KRT1: variants seen among roughly 807,000 people sequenced by gnomAD.
The protein encoded by KRT1 is keratin 1, also known as keratin, type II cytoskeletal 1.
In KRT1, 28 loss-of-function variants were observed where a neutral mutation model predicts 51.6. The ratio of observed to expected loss-of-function variants is 0.54; its 90% CI spans 0.40 to 0.74. The LOEUF is 0.74. KRT1 is among the 30% of genes least tolerant of loss of function. KRT1 has a pLI of 0.00. For synonymous variants in KRT1, 301 were observed against 307.7 expected (o/e 0.98, Z 0.23); for missense variants, 783 against 815.5 (o/e 0.96, Z 0.49).
At position 52,678,714 on chromosome 12, in the gene KRT1, A is replaced by G. The variant is rs766783845; in HGVS notation, c.634T>C (p.Trp212Arg). Residue 212 changes from tryptophan to arginine, a missense_variant, in exon 2 of 9, where the codon TGG becomes CGG. Trp to Arg is a moderately radical substitution (Grantham distance 101, BLOSUM62 -3). Coordinates refer to ENST00000252244, the MANE Select transcript of KRT1 (RefSeq NM_006121.4). ...GTATCTACCTGCTGCAGCAGCTCCC[A>G]TTTTGTTTGCAGTACCTGGTTCTGC... is the stretch of plus-strand genomic sequence containing the variant. The part of the protein sequence containing the change: ...EQQNQVLQTK[W>R]ELLQQVDTST... The G allele has an allele frequency of 5.0e-6, 8 of 1,614,138 alleles. No individual in the cohort carries two copies. The East Asian group carries it at 6.7e-5, about 13-fold the overall frequency.
Position 52,680,274 on chromosome 12 carries a change from G to A in KRT1, c.75C>T (p.Ile25=), listed in dbSNP as rs828367. ...TGCTGGTGGTCCTGCGCTGGTAGTT[G>A]ATGATCCCAGCAGAGCCAGAGCTGA... The part of the protein sequence containing the change: ...GGFSSGSAGI[I]NYQRRTTSSS... The change falls in exon 1 of 9, where the codon ATC becomes ATT. Residue 25 remains isoleucine (I), a synonymous_variant. Coordinates refer to ENST00000252244, the MANE Select transcript of KRT1 (RefSeq NM_006121.4). 61,092 of 1,613,786 alleles carry A rather than the reference G, an allele frequency of 0.038. 1,371 individuals are homozygous for A. The highest frequency in any genetic ancestry group is 0.066 in the South Asian group (6,041 of 91,058).
In KRT1 at chr12:52,677,632, T is replaced by C. The variant is rs776431293; in HGVS notation, c.963+18A>G. The stretch of plus-strand genomic sequence containing the variant: ...AACTCTCCATTTAGATAAACTTGGT[T>C]GAAACTGGAAGACTTACTGCTTGGT... On this transcript the variant is annotated intron_variant, in intron 4 of 8. Coordinates refer to ENST00000252244, the MANE Select transcript of KRT1 (RefSeq NM_006121.4). The C allele has an allele frequency of 1.9e-6, 3 of 1,613,448 alleles. No individual in the cohort carries two copies. The highest frequency in any genetic ancestry group is 2.5e-6 in the Non-Finnish European group (3 of 1,179,342).
At chr12:52,679,268 G>A (rs866194654) in intron 1 of KRT1, among the ~76,000 whole-genome samples, 1 of 152,158 alleles carries the variant, frequency 6.6e-6, no homozygotes. Flanking sequence ...GCCTCATCCA[G>A]TACCAATGTA....
chr12:52,678,146 C>G lies in KRT1; in HGVS notation c.867+17G>C. ...ATTTATTTCAAATGTGAGTTCCGTC[C>G]TACAGAATTTGCTTACCTTCTTGAT... On this transcript the variant is annotated intron_variant, in intron 3 of 8. Transcript: ENST00000252244. 1.9e-6 allele frequency: 3 copies of G among 1,613,162 alleles called. No homozygotes were observed. The highest frequency in any genetic ancestry group is 2.5e-6 in the Non-Finnish European group (3 of 1,179,114).
chr12:52,676,594 A>C, intron 6 of KRT1, 99 bp from the exon 7 acceptor site: 1 of 1,203,520 alleles, frequency 8.3e-7, no homozygotes, highest in East Asian at 2.5e-5. Flanking sequence ...TAATGAGTCC[A>C]ACAGAACCAC....
rs142164771 is a variant in KRT1 at position 52,680,286 on chromosome 12, A to T, written c.63T>A (p.Ser21=). ...TGCGCTGGTAGTTGATGATCCCAGC[A>T]GAGCCAGAGCTGAAGCCCCCTCCAC... The part of the protein sequence containing the change: ...YRSGGGFSSG[S]AGIINYQRRT... The change falls in exon 1 of 9, where the codon TCT becomes TCA. Residue 21 remains serine (S), a synonymous_variant. Transcript: ENST00000252244. 319 of 1,614,104 alleles carry T rather than the reference A, an allele frequency of 2.0e-4. No individual in the cohort carries two copies. The highest frequency in any genetic ancestry group is 2.4e-4 in the Non-Finnish European group (287 of 1,180,032).
At chr12:52,678,118 C>T in intron 3 of KRT1, 45 bp downstream of exon 3, 1 of 1,588,752 alleles carries the variant, frequency 6.3e-7, no homozygotes, top group South Asian at 1.1e-5. Flanking sequence ...ACCCTCTTCC[C>T]TTATTTATTT....
At position 52,677,070 on chromosome 12, in the gene KRT1, CA is replaced by C; in HGVS notation, c.1242del (p.Asn414LysfsTer31). On this transcript the variant is annotated frameshift_variant, in exon 6 of 9. Coordinates refer to ENST00000252244, the MANE Select transcript of KRT1 (RefSeq NM_006121.4). LOFTEE classifies it high-confidence loss of function. Reference protein sequence around the residue: ...VIQRLRSEIDNVKKQISNLQQ... With the variant: ...VIQRLRSEIDXVKKQISNLQQ... ...GAGAAAGCACATACCTGCTTCTTGA[CA>C]TTGTCGATTTCAGATCTAAGTCTCT... The C allele has an allele frequency of 6.2e-7, 1 of 1,613,522 alleles. No individual in the cohort carries two copies. Among genetic ancestry groups the C allele is most frequent in the Non-Finnish European group, 8.5e-7 (1 of 1,180,042 alleles).
chr12:52,675,820 C>T, intron 7 of KRT1, 76 bp from the exon 8 acceptor site: 1 of 1,538,030 alleles, frequency 6.5e-7, no homozygotes, highest in Non-Finnish European at 8.9e-7. Flanking sequence ...GCTCCACCAC[C>T]TTGAAGACTT....
Position 52,680,341 on chromosome 12 carries a change from C to T in KRT1, c.8G>A (p.Arg3Gln), listed in dbSNP as rs775323304. Reference sequence around the variant, plus strand: ...GTACCCAGACCTGGAACTAAACTGTCGACTCATGTTGACTTAGAGAAAAGT... The same window carrying T: ...GTACCCAGACCTGGAACTAAACTGTTGACTCATGTTGACTTAGAGAAAAGT... MSRQFSSRSGYRS... is the reference protein window; with the variant it reads MSQQFSSRSGYRS... Residue 3 changes from arginine (R) to glutamine (Q), a missense_variant, in exon 1 of 9, where the codon CGA (arginine) becomes CAA (glutamine). Physicochemically the swap from Arg to Gln is conservative, Grantham distance 43. Transcript: ENST00000252244. 4.3e-6 allele frequency: 7 copies of T among 1,613,926 alleles called. No individual in the cohort carries two copies. The highest frequency in any genetic ancestry group is 4.2e-6 in the Non-Finnish European group (5 of 1,179,984).
chr12:52,676,524 A>G (rs745848100), intron 6 of KRT1, 29 bp from the exon 7 acceptor site: 2 of 1,609,870 alleles, frequency 1.2e-6, no homozygotes, highest in South Asian at 1.1e-5. Flanking sequence ...CCCTCTCATA[A>G]TATGCATTCC....
chr12:52,679,794 C>T lies in KRT1; in HGVS notation c.555G>A (p.Lys185=), dbSNP rs1325232233. The change falls in exon 1 of 9, where the codon AAG becomes AAA. Residue 185 remains lysine (K), a synonymous_variant. Coordinates refer to ENST00000252244, the MANE Select transcript of KRT1 (RefSeq NM_006121.4). The stretch of plus-strand genomic sequence containing the variant: ...AGGAGGCAAATTGGTTGTTGAGTGA[C>T]TTGATTTGCTCCCTTTCTCGAGACT... ...KVKSREREQI[K]SLNNQFASFI... 1 of 1,614,196 alleles carries T rather than the reference C, an allele frequency of 6.2e-7. No individual in the cohort carries two copies. The highest frequency in any genetic ancestry group is 8.5e-7 in the Non-Finnish European group (1 of 1,180,038).
chr12:52,680,151 A>G lies in KRT1; in HGVS notation c.198T>C (p.Ser66=), dbSNP rs762098926. ...TTTTACTGCCACCAAGGTTAACAAG[A>G]CTCCGACTTCCAAATCCACCACCAG... ...FGAGGGFGSR[S]LVNLGGSKSI... Residue 66 remains serine (S), a synonymous_variant, in exon 1 of 9, where the codon AGT becomes AGC. Transcript: ENST00000252244. The G allele has an allele frequency of 6.3e-7, 1 of 1,599,756 alleles. No individual in the cohort carries two copies. The highest frequency in any genetic ancestry group is 1.1e-5 in the South Asian group (1 of 89,476).
chr12:52,678,242 A>G lies in KRT1; in HGVS notation c.807-19T>C. The G allele has an allele frequency of 1.2e-6, 2 of 1,613,490 alleles. No homozygotes were observed. The highest frequency in any genetic ancestry group is 1.7e-6 in the Non-Finnish European group (2 of 1,179,656). ...CTCATACCTGCAGGAAAGCAGAAAC[A>G]ATTAGGAGATTCAGAGGTGGTAAGA... On this transcript the variant is annotated intron_variant, in intron 2 of 8. Coordinates refer to ENST00000252244, the MANE Select transcript of KRT1 (RefSeq NM_006121.4).
intron 1 of KRT1, 97 bp from the exon 2 acceptor site, chr12:52,678,853 T>A (rs1462772444): frequency 9.6e-6 from 10 of 1,041,430 alleles, no homozygotes; most frequent in Non-Finnish European, 1.3e-5. Context: ...AATTCCTATC[T>A]TCTGACCATG....
At position 52,675,720 on chromosome 12, in the gene KRT1, G is replaced by T. The variant is rs767422677; in HGVS notation, c.1500C>A (p.Asn500Lys). The change falls in exon 8 of 9, where the codon AAC (asparagine) becomes AAA (lysine). Residue 500 changes from asparagine to lysine, a missense_variant. Transcript: ENST00000252244. ...ESRMSGECAP[N>K]VSVSVSTSHT... is the part of the protein sequence containing the mutation. Reference sequence around the variant, plus strand: ...TCGACTTGTACTTACACACACTCACGTTCGGGGCACATTCTCCAGACATCC... The same window carrying T: ...TCGACTTGTACTTACACACACTCACTTTCGGGGCACATTCTCCAGACATCC... 4 of 1,614,142 alleles carry T rather than the reference G, an allele frequency of 2.5e-6. No homozygotes were observed. The highest frequency in any genetic ancestry group is 2.2e-5 in the South Asian group (2 of 91,088).
At position 52,675,418 on chromosome 12, in the gene KRT1, AC is replaced by A; in HGVS notation, c.1709del (p.Gly570ValfsTer44). The A allele has an allele frequency of 6.7e-7, 1 of 1,499,780 alleles. No homozygotes were observed. The highest frequency in any genetic ancestry group is 9.0e-7 in the Non-Finnish European group (1 of 1,105,548). The allele number at this position is 1,499,780 out of a possible 1,614,324, so 92.9% of individuals were successfully genotyped here. On this transcript the variant is annotated frameshift_variant, in exon 9 of 9. Coordinates refer to ENST00000252244, the MANE Select transcript of KRT1 (RefSeq NM_006121.4). LOFTEE classifies it low-confidence loss of function (END_TRUNC). Reference protein sequence around the residue: ...GSGGGSYGSGGGGGGHGSYGS... With the variant: ...GSGGGSYGSGXGGGGHGSYGS... Reference sequence around the variant, plus strand: ...CGTAGCTGCCATGGCCGCCGCCGCCACCTCCAGAGCCATAGCTGCCACCTCC... The same window carrying A: ...CGTAGCTGCCATGGCCGCCGCCGCCACTCCAGAGCCATAGCTGCCACCTCC...
intron 1 of KRT1, 29 bp from the exon 2 acceptor site, chr12:52,678,785 A>C: frequency 1.3e-6 from 2 of 1,578,916 alleles, no homozygotes; most frequent in Non-Finnish European, 1.7e-6. Flanking sequence ...TTTACTCCTG[A>C]TGCATAAATG....
intron 2 of KRT1, 64 bp downstream of exon 2, chr12:52,678,478 G>A (rs927761956): frequency 6.7e-7 from 1 of 1,484,700 alleles, no homozygotes; most frequent in African/African-American, 1.4e-5. Flanking sequence ...CATGATCTTA[G>A]CTTATTACTT....
Sources: gnomAD v4.1 joint callset for allele counts (sites outside exome capture counted in the v4.1 genomes callset) on GRCh38, gnomAD v4.1.1 for gene constraint, MANE v1.5 for transcripts, NCBI Gene and HGNC (gene_info 2026-07-23, HGNC 2026-07-21) for gene names.